Variants in FIRRM observed in about 807,000 individuals in gnomAD.
The protein encoded by FIRRM is FIGNL1-interacting regulator of recombination and mitosis.
chr1:169,789,465 T>C, the FIRRM span, among the ~76,000 whole-genome samples: 16,062 of 152,280 alleles, frequency 0.11, 1,029 homozygotes, highest in Admixed American at 0.19. Flanking sequence ...GACATTTCCA[T>C]GAGTTTCTGA....
the FIRRM span, among the ~76,000 whole-genome samples, chr1:169,819,658 T>G: frequency 6.6e-6 from 1 of 152,112 alleles, no homozygotes; most frequent in Admixed American, 6.6e-5. Context: ...TAAGCTGACT[T>G]TTAACCACAG....
chr1:169,834,301 A>G, the FIRRM span, among the ~76,000 whole-genome samples: 1 of 152,198 alleles, frequency 6.6e-6, no homozygotes, highest in Non-Finnish European at 1.5e-5. Flanking sequence ...TTATTGTGAT[A>G]AAATTTAAGA....
chr1:169,820,468 T>G, the FIRRM span, among the ~76,000 whole-genome samples: 2 of 152,132 alleles, frequency 1.3e-5, no homozygotes, highest in African/African-American at 4.8e-5. Flanking sequence ...CCAAAGAGAA[T>G]AGCAGTTAAC....
At chr1:169,822,502 A>G in the FIRRM span, among the ~76,000 whole-genome samples, 2 of 152,006 alleles carry the variant, frequency 1.3e-5, no homozygotes, top group Non-Finnish European at 2.9e-5. Flanking sequence ...CAACTTTTCT[A>G]TTTATTAATT....
At chr1:169,819,670 A>G in the FIRRM span, among the ~76,000 whole-genome samples, 14 of 151,378 alleles carry the variant, frequency 9.2e-5, no homozygotes, top group African/African-American at 2.9e-4. Context: ...TAACCACAGC[A>G]CTTTTTAAAA....
At chr1:169,851,914 A>C in the FIRRM span, 1,878 of 1,614,086 alleles carry the variant, frequency 1.2e-3, 19 homozygotes, top group African/African-American at 2.3e-3. Context: ...ACTGTAGAAG[A>C]AGCAAAGAGG....
At chr1:169,827,691 G>A in the FIRRM span, 7 of 1,612,908 alleles carry the variant, frequency 4.3e-6, no homozygotes, top group Admixed American at 1.7e-5. Context: ...CTGAATTAAT[G>A]TGTTTTTATT....
chr1:169,829,147 T>C, the FIRRM span: 1 of 890,470 alleles, frequency 1.1e-6, no homozygotes, highest in African/African-American at 1.7e-5. Context: ...TATTGCTGAT[T>C]ATACCTCTTG....
At chr1:169,808,999 A>G in the FIRRM span, among the ~76,000 whole-genome samples, 3 of 152,194 alleles carry the variant, frequency 2.0e-5, no homozygotes, top group Admixed American at 1.3e-4. Context: ...GATACAGGGA[A>G]TTCCTTTGTA....
the FIRRM span, among the ~76,000 whole-genome samples, chr1:169,834,750 A>G: frequency 6.6e-6 from 1 of 152,178 alleles, no homozygotes; most frequent in African/African-American, 2.4e-5. Context: ...GTCCAGCCGG[A>G]CAACATAGCA....
the FIRRM span, chr1:169,795,347 A>G: frequency 2.8e-6 from 4 of 1,405,902 alleles, no homozygotes; most frequent in South Asian, 4.4e-5. Flanking sequence ...TTTCTTTGTC[A>G]GTGAGTGGGA....
At chr1:169,798,278 CT>C in the FIRRM span, among the ~76,000 whole-genome samples, 1,083 of 141,678 alleles carry the variant, frequency 7.6e-3, 12 homozygotes, top group African/African-American at 0.022. Context: ...GACCGTCTCT[CT>C]TTTTTTTTTT....
At chr1:169,805,988 T>C in the FIRRM span, 4 of 1,536,092 alleles carry the variant, frequency 2.6e-6, no homozygotes, top group Non-Finnish European at 3.6e-6. Context: ...AAAAGTTCTG[T>C]TATCTTTCTT....
At chr1:169,824,289 A>C in the FIRRM span, among the ~76,000 whole-genome samples, 5 of 152,146 alleles carry the variant, frequency 3.3e-5, no homozygotes, top group Non-Finnish European at 7.4e-5. Flanking sequence ...TAGCCTCTCC[A>C]TTGTGCATTG....
chr1:169,793,773 G>T, the FIRRM span: 1 of 1,351,780 alleles, frequency 7.4e-7, no homozygotes. Context: ...ACACAAATCT[G>T]CCTCAATTAT....
chr1:169,815,535 T>C, the FIRRM span, among the ~76,000 whole-genome samples: 1 of 152,130 alleles, frequency 6.6e-6, no homozygotes, highest in East Asian at 1.9e-4. Context: ...ATGGAACTGA[T>C]GGGAGTATCT....
chr1:169,803,065 T>C, the FIRRM span: 3 of 973,124 alleles, frequency 3.1e-6, no homozygotes, highest in Non-Finnish European at 4.6e-6. Flanking sequence ...AGGAAGAGAC[T>C]GTGTTTTGTT....
the FIRRM span, chr1:169,829,560 T>A: frequency 1.0e-6 from 1 of 987,378 alleles, no homozygotes; most frequent in Non-Finnish European, 1.4e-6. Flanking sequence ...ATATTCCTTT[T>A]GAGTGAAACT....
At chr1:169,850,649 A>G in the FIRRM span, 1 of 218,136 alleles carries the variant, frequency 4.6e-6, no homozygotes, top group South Asian at 8.2e-5. Flanking sequence ...TACAAAAATT[A>G]GCCGGGCATG....
Sources: allele counts gnomAD v4.1 joint callset (sites outside exome capture counted in the v4.1 genomes callset), GRCh38; gene constraint gnomAD v4.1.1; transcripts MANE v1.5; gene names NCBI Gene and HGNC (gene_info 2026-07-23, HGNC 2026-07-21).